RASAL3: variants seen among roughly 807,000 people sequenced by gnomAD.
RASAL3 encodes RAS protein activator like 3, also known as RAS protein activator like-3.
In RASAL3, 74 loss-of-function variants were observed where a neutral mutation model predicts 105.5. That is an observed-to-expected ratio of 0.70 (90% CI 0.58 to 0.85). RASAL3 has a LOEUF of 0.85. RASAL3 is among the 40% of genes least tolerant of loss of function. RASAL3 has a pLI of 0.00. For missense variants in RASAL3, 1,352 were observed against 1,392.0 expected, an observed-to-expected ratio of 0.97 and a Z score of 0.46; for synonymous variants, 579 against 591.6, an observed-to-expected ratio of 0.98 and a Z score of 0.31.
Position 15,464,368 on chromosome 19 carries a change from G to T in RASAL3, c.-10C>A. The T allele has an allele frequency of 5.1e-6, 8 of 1,572,332 alleles. No individual in the cohort carries two copies. Among genetic ancestry groups the T allele is most frequent in the South Asian group, 1.1e-5 (1 of 89,814 alleles). ...GCGACGGTGGGTCCATGGTTGGGGG[G>T]GGGGGTCTCCTGGGGGACGAGAGAG... On this transcript the variant is annotated 5_prime_UTR_variant, in exon 2 of 18. Transcript: ENST00000343625.
rs4580316 is a variant in RASAL3 at position 15,456,794 on chromosome 19, C to G, written c.1432-148G>C. 1 of 986,830 alleles carries G rather than the reference C, an allele frequency of 1.0e-6. No individual in the cohort carries two copies. Among genetic ancestry groups the G allele is most frequent in the Non-Finnish European group, 1.5e-6 (1 of 681,800 alleles). 61.1% of individuals were successfully genotyped at this position (986,830 alleles called of 1,614,324 possible). Reference sequence around the variant, plus strand: ...AGTCCTTACTGCTGGGGCTCATAACCGAGGCCGGAACCTCTAACCCTCACA... The same window carrying G: ...AGTCCTTACTGCTGGGGCTCATAACGGAGGCCGGAACCTCTAACCCTCACA... On this transcript the variant is annotated intron_variant, in intron 9 of 17. Coordinates refer to ENST00000343625, the MANE Select transcript of RASAL3 (RefSeq NM_022904.3). The surrounding 1 kb of genome is among the most constrained non-coding windows in gnomAD (Gnocchi z 4.4).
chr19:15,455,923 T>C (rs1402353894), intron 11 of RASAL3, among the ~76,000 whole-genome samples, 181 bp downstream of exon 11: 1 of 152,200 alleles, frequency 6.6e-6, no homozygotes, highest in East Asian at 1.9e-4. Context: ...AGCATTGGGA[T>C]TACGGGCGTG....
Position 15,456,191 on chromosome 19 carries a change from T to C in RASAL3, c.1634A>G (p.Lys545Arg), listed in dbSNP as rs1393507557. The change falls in exon 11 of 18, where the codon AAA (lysine) becomes AGA (arginine). Residue 545 changes from lysine (K) to arginine (R), a missense_variant. Physicochemically the swap from Lys to Arg is conservative, Grantham distance 26 (BLOSUM62 2). Coordinates refer to ENST00000343625, the MANE Select transcript of RASAL3 (RefSeq NM_022904.3). The surrounding 1 kb of genome is among the most constrained non-coding windows in gnomAD (Gnocchi z 4.4). The part of the protein sequence containing the change: ...STEDCEVDPS[K>R]CPASELPEHQ... ...CTCTGGCAGCTCCGAGGCTGGACAT[T>C]TGCTGGGGTCCACTTCACAGTCCTC... 5 of 1,613,786 alleles carry C rather than the reference T, an allele frequency of 3.1e-6. No individual in the cohort carries two copies. The highest frequency in any genetic ancestry group is 4.2e-6 in the Non-Finnish European group (5 of 1,179,818).
intron 6 of RASAL3, among the ~76,000 whole-genome samples, chr19:15,459,903 C>G (rs1232604016): frequency 1.3e-5 from 2 of 152,094 alleles, no homozygotes; most frequent in Non-Finnish European, 2.9e-5. Context: ...AATGCTTTTT[C>G]CACCCCCCTG....
chr19:15,462,510 A>G (rs929223719), intron 2 of RASAL3, among the ~76,000 whole-genome samples: 16 of 152,108 alleles, frequency 1.1e-4, no homozygotes, highest in Admixed American at 8.5e-4. Flanking sequence ...AACAAAAACA[A>G]AATGGGAATA....
Position 15,456,150 on chromosome 19 carries a change from G to A in RASAL3, c.1675C>T (p.Arg559Trp), listed in dbSNP as rs577646736. The change falls in exon 11 of 18, where the codon CGG becomes TGG. Residue 559 changes from arginine to tryptophan, a missense_variant. By Grantham distance (101) the Arg-to-Trp change is moderately radical. Around this residue, in one of 3 missense-constraint regions of RASAL3, gnomAD observed 920 missense variants for 919.6 expected, o/e 1.00. Transcript: ENST00000343625. The surrounding 1 kb of genome is among the most constrained non-coding windows in gnomAD (Gnocchi z 4.4). ...SELPEHQARL[R>W]NSCEEVFETI... ...TCGAAGACCTCCTCGCAGCTGTTCCGAAGTCTGGCCTGGTGCTCTGGCAGC... is the reference window on the plus strand; with the variant it reads ...TCGAAGACCTCCTCGCAGCTGTTCCAAAGTCTGGCCTGGTGCTCTGGCAGC... 7 of 1,613,834 alleles carry A rather than the reference G, an allele frequency of 4.3e-6. No individual in the cohort carries two copies. Among genetic ancestry groups the A allele is most frequent in the Admixed American group, 3.3e-5 (2 of 59,992 alleles).
chr19:15,462,763 T>C (rs1370247029), intron 2 of RASAL3, among the ~76,000 whole-genome samples: 1 of 152,006 alleles, frequency 6.6e-6, no homozygotes, highest in Non-Finnish European at 1.5e-5. Context: ...CCATTCTGGT[T>C]AACACAGTGA....
intron 2 of RASAL3, 69 bp downstream of exon 2, chr19:15,463,962 G>A: frequency 2.2e-6 from 3 of 1,386,668 alleles, no homozygotes; most frequent in South Asian, 1.5e-5. Context: ...TTGATGCTCC[G>A]GAGGCAGACA....
Position 15,454,171 on chromosome 19 carries a change from G to A in RASAL3, c.2257C>T (p.Pro753Ser). The change falls in exon 14 of 18, where the codon CCC (proline) becomes TCC (serine). Residue 753 changes from proline (P) to serine (S), a missense_variant. By Grantham distance (74) the Pro-to-Ser change is moderately conservative (BLOSUM62 -1). This residue lies in a region of RASAL3 where 920 missense variants were observed against 919.6 expected (regional missense o/e 1.00). Coordinates refer to ENST00000343625, the MANE Select transcript of RASAL3 (RefSeq NM_022904.3). ...TACCTGGAGTGGACCTGGGCCGGGG[G>A]CAGTGGGAGACGCATTGGCACTGAC... ...LVSVPMRLPL[P>S]PAQVHSSLSA... is the part of the protein sequence containing the mutation. The A allele has an allele frequency of 6.4e-7, 1 of 1,565,522 alleles. No homozygotes were observed. The highest frequency in any genetic ancestry group is 1.2e-5 in the South Asian group (1 of 84,924).
chr19:15,460,158 G>A (rs377062724), intron 6 of RASAL3, 45 bp downstream of exon 6: 41 of 1,513,490 alleles, frequency 2.7e-5, no homozygotes, highest in Non-Finnish European at 3.4e-5. Context: ...AGGAGGAGGG[G>A]CCAGTGTTGA....
At chr19:15,452,357 C>G in intron 16 of RASAL3, 1 of 594,646 alleles carries the variant, frequency 1.7e-6, no homozygotes, top group Non-Finnish European at 3.0e-6. Flanking sequence ...CGTGACTGAG[C>G]TGGAGGGAGT....
chr19:15,462,968 A>T (rs1375202372), intron 2 of RASAL3, among the ~76,000 whole-genome samples: 1 of 152,028 alleles, frequency 6.6e-6, no homozygotes, highest in Admixed American at 6.6e-5. Flanking sequence ...AAATAAAAAA[A>T]ATGCTGGGCC....
chr19:15,452,189 C>A (rs1472553056), intron 16 of RASAL3, 81 bp from the exon 17 acceptor site: 2 of 1,440,480 alleles, frequency 1.4e-6, no homozygotes, highest in African/African-American at 1.4e-5. Context: ...CCAGGGACTC[C>A]GGGGGCGGAG....
At chr19:15,460,897 G>C (rs1970486025) in intron 5 of RASAL3, among the ~76,000 whole-genome samples, 163 bp downstream of exon 5, 13 of 152,052 alleles carry the variant, frequency 8.5e-5, no homozygotes, top group Admixed American at 8.5e-4. Context: ...ACAACCCCTA[G>C]AGAAAGGTTA....
intron 2 of RASAL3, among the ~76,000 whole-genome samples, chr19:15,463,338 C>T (rs964756052): frequency 6.6e-6 from 1 of 152,070 alleles, no homozygotes; most frequent in African/African-American, 2.4e-5. Context: ...GGTGATCCAC[C>T]CACCTTGGCC....
chr19:15,453,460 G>C lies in RASAL3; in HGVS notation c.2317C>G (p.Arg773Gly), dbSNP rs764955727. 9.7e-6 allele frequency: 15 copies of C among 1,542,390 alleles called. No homozygotes were observed. In the Admixed American group the frequency reaches 2.0e-4, roughly 21 times the overall value. Residue 773 changes from arginine to glycine, a missense_variant, in exon 15 of 18, where the codon CGG (arginine) becomes GGG (glycine). Physicochemically the swap from Arg to Gly is moderately radical, Grantham distance 125. Transcript: ENST00000343625. The surrounding 1 kb of genome is among the most constrained non-coding windows in gnomAD (Gnocchi z 4.2). ...AGEKPGFLAP[R>G]DLPKHTPLIS... ...AGAGGGGTGTGCTTGGGGAGGTCCC[G>C]GGGGGCCAGGAAGCCGGGCTTCTCC...
intron 6 of RASAL3, among the ~76,000 whole-genome samples, chr19:15,459,176 T>C (rs1970429811): frequency 6.6e-6 from 1 of 151,816 alleles, no homozygotes. Flanking sequence ...TGATCCCAAG[T>C]GATCCACCCG....
Position 15,452,040 on chromosome 19 carries a change from C to T in RASAL3, c.2892+5G>A. ...CCTGCCCCAGGGCTCAGATGGCAAT[C>T]TCACCAGGTTTTTCAGACTGTGCCC... is the stretch of plus-strand genomic sequence containing the variant. On this transcript the variant is annotated splice_donor_5th_base_variant and intron_variant, in intron 17 of 17. Coordinates refer to ENST00000343625, the MANE Select transcript of RASAL3 (RefSeq NM_022904.3). The T allele has an allele frequency of 6.2e-7, 1 of 1,613,994 alleles. No homozygotes were observed. The highest frequency in any genetic ancestry group is 8.5e-7 in the Non-Finnish European group (1 of 1,179,878).
In RASAL3 at chr19:15,457,283, G is replaced by T; in HGVS notation, c.1431+9C>A. On this transcript the variant is annotated intron_variant, in intron 9 of 17. Transcript: ENST00000343625. The surrounding 1 kb of genome is among the most constrained non-coding windows in gnomAD (Gnocchi z 8.6). Reference sequence around the variant, plus strand: ...GGTAGCCCCGGTCCGCGCTGTCGCGGTGCCGCACCTGCGCCCGGCCGGTGG... The same window carrying T: ...GGTAGCCCCGGTCCGCGCTGTCGCGTTGCCGCACCTGCGCCCGGCCGGTGG... 6 of 1,284,452 alleles carry T rather than the reference G, an allele frequency of 4.7e-6. No homozygotes were observed. The highest frequency in any genetic ancestry group is 5.9e-6 in the Non-Finnish European group (6 of 1,016,056). 79.6% of individuals were successfully genotyped at this position (1,284,452 alleles called of 1,614,324 possible). A position where few individuals can be genotyped will look rare whatever the true frequency, so the allele number is the denominator to read the frequency against.
Sources: allele counts gnomAD v4.1 joint callset (sites outside exome capture counted in the v4.1 genomes callset), GRCh38; gene constraint gnomAD v4.1.1; regional missense constraint gnomAD v4.1.1; non-coding constraint Gnocchi (gnomAD v3.1); transcripts MANE v1.5; gene names NCBI Gene and HGNC (gene_info 2026-07-23, HGNC 2026-07-21).